Variants in ALG5 observed in about 807,000 individuals in gnomAD.
ALG5 encodes the protein ALG5 dolichyl-phosphate beta-glucosyltransferase, also known as dolichyl-phosphate beta-glucosyltransferase.
A neutral mutation model predicts 51.8 loss-of-function variants in ALG5; 26 were observed. The observed-to-expected ratio is 0.50, with a 90% CI of 0.37 to 0.70. The LOEUF (loss-of-function observed/expected upper bound fraction) is 0.70, where lower values mean the gene tolerates loss of function less well. Ranked by LOEUF, ALG5 falls within the 30% of genes least tolerant of loss-of-function variation. The pLI is 0.00. For synonymous variants in ALG5, 141 were observed against 136.1 expected, an observed-to-expected ratio of 1.04 and a Z score of -0.25; for missense variants, 311 against 399.3, an observed-to-expected ratio of 0.78 and a Z score of 1.88.
intron 9 of ALG5, among the ~76,000 whole-genome samples, chr13:36,951,592 T>C (rs1226243497): frequency 6.6e-6 from 1 of 152,172 alleles, no homozygotes; most frequent in East Asian, 1.9e-4. Context: ...CATTCTAAGG[T>C]AAGGAGAAAA....
At position 36,995,447 on chromosome 13, in the gene ALG5, A is replaced by C. The variant is rs2138831835; in HGVS notation, c.216T>G (p.Pro72=). The change falls in exon 2 of 10, where the codon CCT becomes CCG. Residue 72 remains proline (P), a synonymous_variant. Coordinates refer to ENST00000239891, the MANE Select transcript of ALG5 (RefSeq NM_013338.5). ...TACACCGTTTTTCTTCATTGTATGA[A>C]GGCACAACGACAGAAAGTTGTTTGG... is the stretch of plus-strand genomic sequence containing the variant. ...SPTKQLSVVV[P]SYNEEKRLPV... The C allele has an allele frequency of 6.2e-7, 1 of 1,612,628 alleles. No homozygotes were observed. The highest frequency in any genetic ancestry group is 8.5e-7 in the Non-Finnish European group (1 of 1,179,700).
At chr13:36,975,284 G>C (rs1219745970) in intron 6 of ALG5, among the ~76,000 whole-genome samples, 1 of 152,052 alleles carries the variant, frequency 6.6e-6, no homozygotes, top group Non-Finnish European at 1.5e-5. Flanking sequence ...GGGTTCTCCC[G>C]ACCTCTTTAA....
intron 6 of ALG5, among the ~76,000 whole-genome samples, chr13:36,972,852 C>T (rs996429127): frequency 2.8e-4 from 43 of 151,650 alleles, no homozygotes; most frequent in African/African-American, 7.8e-4. Flanking sequence ...ATTAGCTGGG[C>T]GTGGTGGCGG....
chr13:36,990,484 A>G, intron 4 of ALG5, among the ~76,000 whole-genome samples: 1 of 152,206 alleles, frequency 6.6e-6, no homozygotes. Context: ...CCACACAAGG[A>G]CTGACTCTAC....
At chr13:36,969,428 A>G (rs1184411596) in intron 7 of ALG5, among the ~76,000 whole-genome samples, 1 of 151,698 alleles carries the variant, frequency 6.6e-6, no homozygotes, top group Non-Finnish European at 1.5e-5. Flanking sequence ...TTTAAAAAAA[A>G]AAAGAAAGAA....
Position 36,972,031 on chromosome 13 carries a change from T to C in ALG5, c.567A>G (p.Gln189=), listed in dbSNP as rs142643375. 5.6e-5 allele frequency: 89 copies of C among 1,593,950 alleles called. No homozygotes were observed. In the African/African-American group the frequency reaches 1.2e-3, roughly 21 times the overall value. ...CTCGAGATCCACATGCTATAGCCAT[T>C]TGATTCTGAGGGAAAAAGCAGAGAT... The part of the protein sequence containing the change: ...GLNDLQPWPN[Q]MAIACGSRAH... The change falls in exon 7 of 10, where the codon CAA becomes CAG. Residue 189 remains glutamine (Q), a synonymous_variant. Transcript: ENST00000239891.
At chr13:36,970,063 T>C (rs1027364290) in intron 7 of ALG5, among the ~76,000 whole-genome samples, 2 of 149,046 alleles carry the variant, frequency 1.3e-5, no homozygotes, top group Admixed American at 6.7e-5. Flanking sequence ...ATTATACATA[T>C]ATATACTATT....
At chr13:36,986,913 TG>T (rs2138820949) in intron 5 of ALG5, among the ~76,000 whole-genome samples, 1 of 152,344 alleles carries the variant, frequency 6.6e-6, no homozygotes, top group African/African-American at 2.4e-5. Flanking sequence ...TGATCAAACT[TG>T]TTTAAGCCTA....
intron 7 of ALG5, among the ~76,000 whole-genome samples, chr13:36,967,251 GA>G (rs1473403443): frequency 6.7e-6 from 1 of 150,040 alleles, no homozygotes; most frequent in African/African-American, 2.4e-5. Flanking sequence ...AAAAAGAAAA[GA>G]AAAGAAAAAG....
At chr13:36,994,917 C>T (rs763888055) in intron 3 of ALG5, 72 bp downstream of exon 3, 134 of 1,366,374 alleles carry the variant, frequency 9.8e-5, no homozygotes, top group Non-Finnish European at 1.1e-4. Context: ...GTGCATCTGG[C>T]TTGGGGTCCA....
chr13:36,959,174 G>A (rs1243169208), intron 8 of ALG5, among the ~76,000 whole-genome samples: 1 of 152,126 alleles, frequency 6.6e-6, no homozygotes, highest in Non-Finnish European at 1.5e-5. Context: ...ACACATAGAG[G>A]CAGAGAGTAG....
At chr13:36,957,642 C>T (rs548676323) in intron 8 of ALG5, among the ~76,000 whole-genome samples, 4 of 152,258 alleles carry the variant, frequency 2.6e-5, no homozygotes, top group Non-Finnish European at 5.9e-5. Context: ...TGCCTACAGC[C>T]TTACTAGGAA....
intron 6 of ALG5, among the ~76,000 whole-genome samples, chr13:36,974,563 T>C (rs180908495): frequency 6.6e-6 from 1 of 152,262 alleles, no homozygotes; most frequent in African/African-American, 2.4e-5. Flanking sequence ...CAAAAATTTA[T>C]TCATGTTAAA....
At chr13:36,977,840 A>ATATAAG (rs1488038543) in intron 6 of ALG5, among the ~76,000 whole-genome samples, 29 of 143,984 alleles carry the variant, frequency 2.0e-4, no homozygotes, top group African/African-American at 7.3e-4. Flanking sequence ...GAAGTAAAGT[A>ATATAAG]TATATTATCT....
At position 36,989,477 on chromosome 13, in the gene ALG5, G is replaced by A; in HGVS notation, c.447+7C>T. ...TTTTAGATAAAAATGTTGAAAATAT[G>A]TATTACCATTCTAATCGCTCCACCT... On this transcript the variant is annotated splice_region_variant and intron_variant, in intron 5 of 9. Coordinates refer to ENST00000239891, the MANE Select transcript of ALG5 (RefSeq NM_013338.5). The A allele has an allele frequency of 1.2e-6, 2 of 1,600,600 alleles. No homozygotes were observed. Among genetic ancestry groups the A allele is most frequent in the Non-Finnish European group, 1.7e-6 (2 of 1,169,238 alleles).
chr13:36,986,384 T>C (rs2059001929), intron 5 of ALG5, among the ~76,000 whole-genome samples: 1 of 152,234 alleles, frequency 6.6e-6, no homozygotes, highest in Non-Finnish European at 1.5e-5. Flanking sequence ...CATGAGTGCA[T>C]ATTTCATACA....
At chr13:36,957,895 T>A (rs1264273111) in intron 8 of ALG5, among the ~76,000 whole-genome samples, 3 of 152,076 alleles carry the variant, frequency 2.0e-5, no homozygotes, top group Non-Finnish European at 2.9e-5. Context: ...TAATTCCGCA[T>A]CCCTAGATAC....
At chr13:36,972,773 A>C (rs1444380335) in intron 6 of ALG5, among the ~76,000 whole-genome samples, 1 of 152,108 alleles carries the variant, frequency 6.6e-6, no homozygotes, top group East Asian at 1.9e-4. Flanking sequence ...AGGGCAGATC[A>C]CGAGGTCAGG....
chr13:36,995,307 T>C lies in ALG5; in HGVS notation c.238+118A>G, dbSNP rs972798376. On this transcript the variant is annotated intron_variant, in intron 2 of 9. Transcript: ENST00000239891. ...GCCGAACTACAACAATTATCAACTGTGTGCTCAACACAGCCCACATCTATT... is the reference window on the plus strand; with the variant it reads ...GCCGAACTACAACAATTATCAACTGCGTGCTCAACACAGCCCACATCTATT... 6 of 1,081,232 alleles carry C rather than the reference T, an allele frequency of 5.5e-6. No individual in the cohort carries two copies. The African/African-American group carries it at 9.6e-5, about 17-fold the overall frequency. 67.0% of individuals were successfully genotyped at this position (1,081,232 alleles called of 1,614,324 possible). A position where few individuals can be genotyped will look rare whatever the true frequency, so the allele number is the denominator to read the frequency against.
Sources: gnomAD v4.1 joint callset for allele counts (sites outside exome capture counted in the v4.1 genomes callset) on GRCh38, gnomAD v4.1.1 for gene constraint, MANE v1.5 for transcripts, NCBI Gene and HGNC (gene_info 2026-07-23, HGNC 2026-07-21) for gene names.